PTPRD: variants seen among roughly 807,000 people sequenced by gnomAD.
PTPRD encodes the protein protein tyrosine phosphatase receptor type D.
PTPRD carries 34 observed loss-of-function variants against 214.5 expected under a neutral mutation model. The observed-to-expected ratio is 0.16, with a 90% CI of 0.12 to 0.21. The LOEUF (loss-of-function observed/expected upper bound fraction) is 0.21. Ranked by LOEUF, PTPRD falls within the 10% of genes least tolerant of loss-of-function variation. The pLI, the probability that PTPRD is intolerant of heterozygous loss-of-function variation, is 1.00. For synonymous variants in PTPRD, 1,128 were observed against 845.7 expected, an observed-to-expected ratio of 1.33 and a Z score of -5.79; for missense variants, 2,545 against 2,398.7, an observed-to-expected ratio of 1.06 and a Z score of -1.27.
At chr9:8,986,087 T>C (rs2099343902) in intron 11 of PTPRD, among the ~76,000 whole-genome samples, 1 of 152,084 alleles carries the variant, frequency 6.6e-6, no homozygotes, top group South Asian at 2.1e-4. Flanking sequence ...GATAATTCAG[T>C]TATGCATGGA....
intron 5 of PTPRD, among the ~76,000 whole-genome samples, chr9:9,900,358 A>G (rs2076096716): frequency 6.6e-6 from 1 of 152,226 alleles, no homozygotes; most frequent in African/African-American, 2.4e-5. Flanking sequence ...CCTTAAGTTC[A>G]AACTTTCACA....
At position 8,338,999 on chromosome 9, in the gene PTPRD, A is replaced by G. The variant is rs2132231189; in HGVS notation, c.5302T>C (p.Tyr1768His). The G allele has an allele frequency of 1.2e-6, 2 of 1,612,564 alleles. No individual in the cohort carries two copies. The highest frequency in any genetic ancestry group is 1.7e-6 in the Non-Finnish European group (2 of 1,178,970). Residue 1768 changes from tyrosine (Y) to histidine (H), a missense_variant, in exon 43 of 46, where the codon TAC (tyrosine) becomes CAC (histidine). Physicochemically the swap from Tyr to His is moderately conservative, Grantham distance 83. Coordinates refer to ENST00000381196, the MANE Select transcript of PTPRD (RefSeq NM_002839.4). ...WPAERSARYQ[Y>H]FVVDPMAEYN... The stretch of plus-strand genomic sequence containing the variant: ...TCAGCCATGGGATCTACAACAAAGT[A>G]CTGGTATCTTGCAGACCGTTCTGCT...
At chr9:8,610,839 G>T (rs1481730588) in intron 14 of PTPRD, among the ~76,000 whole-genome samples, 3 of 152,116 alleles carry the variant, frequency 2.0e-5, no homozygotes, top group Non-Finnish European at 4.4e-5. Flanking sequence ...CCATACAACA[G>T]GACGTGATCT....
At chr9:10,141,951 G>C (rs1301349219) in intron 3 of PTPRD, among the ~76,000 whole-genome samples, 2 of 152,064 alleles carry the variant, frequency 1.3e-5, no homozygotes, top group Non-Finnish European at 2.9e-5. Context: ...ACAGAACAGA[G>C]CCCTCAGAAA....
intron 8 of PTPRD, among the ~76,000 whole-genome samples, chr9:9,507,480 C>G (rs1264980456): frequency 6.6e-6 from 1 of 150,866 alleles, no homozygotes; most frequent in Non-Finnish European, 1.5e-5. Flanking sequence ...TGAAAATAAC[C>G]TGGAAAAGAA....
intron 10 of PTPRD, among the ~76,000 whole-genome samples, chr9:9,130,953 C>T (rs767557477): frequency 5.4e-4 from 82 of 152,074 alleles, no homozygotes; most frequent in Non-Finnish European, 9.4e-4. Context: ...ATAACTAATT[C>T]TATCTTCATT....
At chr9:9,521,418 A>T (rs1356601532) in intron 8 of PTPRD, among the ~76,000 whole-genome samples, 1 of 152,124 alleles carries the variant, frequency 6.6e-6, no homozygotes, top group Non-Finnish European at 1.5e-5. Flanking sequence ...AGGACTCTAA[A>T]AAGACAAAGG....
At chr9:8,337,096 G>C (rs144060140) in intron 43 of PTPRD, among the ~76,000 whole-genome samples, 7 of 152,274 alleles carry the variant, frequency 4.6e-5, no homozygotes, top group African/African-American at 1.4e-4. Context: ...TCCCATTACT[G>C]AGTGTATACC....
intron 3 of PTPRD, among the ~76,000 whole-genome samples, chr9:10,290,886 G>A (rs1295463309): frequency 6.6e-6 from 1 of 152,160 alleles, no homozygotes; most frequent in Admixed American, 6.6e-5. Flanking sequence ...TACAGATACT[G>A]TTGAATATAA....
chr9:10,231,105 G>T (rs953460847), intron 3 of PTPRD, among the ~76,000 whole-genome samples: 20 of 151,854 alleles, frequency 1.3e-4, no homozygotes, highest in African/African-American at 4.4e-4. Context: ...AGCCAAATCT[G>T]GTAAGTCTTA....
At chr9:8,572,901 C>G (rs1399158757) in intron 14 of PTPRD, among the ~76,000 whole-genome samples, 1 of 152,010 alleles carries the variant, frequency 6.6e-6, no homozygotes, top group Admixed American at 6.6e-5. Context: ...TTTCAACACA[C>G]TGTTATTATA....
chr9:8,494,671 T>TC (rs2097221517), intron 26 of PTPRD, among the ~76,000 whole-genome samples: 3 of 152,186 alleles, frequency 2.0e-5, no homozygotes, highest in Admixed American at 2.0e-4. Flanking sequence ...ATGTTTCTTA[T>TC]CATGAAATTG....
At chr9:10,229,109 C>G (rs1242165975) in intron 3 of PTPRD, among the ~76,000 whole-genome samples, 1 of 152,008 alleles carries the variant, frequency 6.6e-6, no homozygotes, top group Non-Finnish European at 1.5e-5. Context: ...AAATGCTCAT[C>G]ATCACTGGCC....
At chr9:9,347,160 C>G (rs117434232) in intron 9 of PTPRD, among the ~76,000 whole-genome samples, 1,931 of 152,140 alleles carry the variant, frequency 0.013, 25 homozygotes, top group Middle Eastern at 0.017. Context: ...CAGAGTGAGG[C>G]TCTGTTTGAA....
At position 9,858,806 on chromosome 9, in the gene PTPRD, C is replaced by T. The variant is rs532712899; in HGVS notation, c.-368+79701G>A. 4.6e-5 allele frequency among the ~76,000 whole-genome samples: 7 copies of T among 152,246 alleles called. No homozygotes were observed. The East Asian group carries it at 1.4e-3, about 29-fold the overall frequency. On this transcript the variant is annotated intron_variant, in intron 5 of 45. Coordinates refer to ENST00000381196, the MANE Select transcript of PTPRD (RefSeq NM_002839.4). ...CCAAATCAACAGTTACTTTTAGACC[C>T]AAATCAACAGTTATTTGTAGTTCAG...
intron 8 of PTPRD, among the ~76,000 whole-genome samples, chr9:9,447,483 G>A (rs1366818580): frequency 1.3e-5 from 2 of 152,080 alleles, no homozygotes; most frequent in African/African-American, 2.4e-5. Flanking sequence ...TGGACACAAA[G>A]AGGGGAACAA....
intron 2 of PTPRD, among the ~76,000 whole-genome samples, chr9:10,582,431 C>A (rs1271991015): frequency 6.6e-6 from 1 of 152,114 alleles, no homozygotes; most frequent in Non-Finnish European, 1.5e-5. Flanking sequence ...TTAAAGTTCT[C>A]CTCAAATCCA....
At position 8,511,651 on chromosome 9, in the gene PTPRD, T is replaced by C. The variant is rs530937016; in HGVS notation, c.1544-4217A>G. ...CTTCATATTCAAAGGAGAGATATGA[T>C]ATTGACCATAAACCAGATTTACAAT... On this transcript the variant is annotated intron_variant, in intron 21 of 45. Coordinates refer to ENST00000381196, the MANE Select transcript of PTPRD (RefSeq NM_002839.4). Among the ~76,000 whole-genome samples the C allele has an allele frequency of 3.3e-5, 5 of 152,212 alleles. No individual in the cohort carries two copies. In the East Asian group the frequency reaches 9.7e-4, roughly 29 times the overall value.
At chr9:9,659,961 C>T (rs1427997862) in intron 7 of PTPRD, among the ~76,000 whole-genome samples, 2 of 152,036 alleles carry the variant, frequency 1.3e-5, no homozygotes, top group African/African-American at 4.8e-5. Flanking sequence ...ACATATATTA[C>T]TCTCTTCTGG....
Sources: allele counts gnomAD v4.1 joint callset (sites outside exome capture counted in the v4.1 genomes callset), GRCh38; gene constraint gnomAD v4.1.1; transcripts MANE v1.5; gene names NCBI Gene and HGNC (gene_info 2026-07-23, HGNC 2026-07-21).